The following GPRIN1 variants were observed in gnomAD, a reference collection of about 807,000 sequenced individuals.
GPRIN1 encodes the protein G protein-regulated inducer of neurite outgrowth 1.
GPRIN1 carries 4 observed loss-of-function variants against 2.8 expected under a neutral mutation model. The observed-to-expected ratio is 1.45, with a 90% CI of 0.71 to 3.32. The LOEUF (loss-of-function observed/expected upper bound fraction) is 3.32, where lower values mean the gene tolerates loss of function less well. GPRIN1 is among the 30% of genes most tolerant of loss of function. The pLI is 0.01. For missense variants in GPRIN1, 1,322 were observed against 1,343.4 expected, an observed-to-expected ratio of 0.98 and a Z score of 0.25; for synonymous variants, 589 against 589.9, an observed-to-expected ratio of 1.00 and a Z score of 0.02.
chr5:176,610,151 T>TCCCGC lies in GPRIN1; in HGVS notation c.-201_-197dup. ...GCCGTCCCCAGCGCCGGCTCCGCGC[T>TCCCGC]CCCGCCCCGCGCCCCGCCCCGGGCA... On this transcript the variant is annotated 5_prime_UTR_variant, in exon 1 of 2. Transcript: ENST00000303991. 6.8e-6 allele frequency: 1 copy of TCCCGC among 147,492 alleles called. No homozygotes were observed. The highest frequency in any genetic ancestry group is 2.1e-4 in the East Asian group (1 of 4,814). 9.1% of individuals were successfully genotyped at this position (147,492 alleles called of 1,614,324 possible). A position where few individuals can be genotyped will look rare whatever the true frequency, so the allele number is the denominator to read the frequency against.
At position 176,597,286 on chromosome 5, in the gene GPRIN1, C is replaced by T; in HGVS notation, c.2549G>A (p.Ser850Asn). Residue 850 changes from serine to asparagine, a missense_variant, in exon 2 of 2, where the codon AGC becomes AAC. This residue lies in a region of GPRIN1 where 1,117 missense variants were observed against 1,128.6 expected (regional missense o/e 0.99). Transcript: ENST00000303991. This position sits in a 1 kb window ranked among gnomAD's most constrained non-coding sequence, Gnocchi z 6.1. ...GCCCGCATCTCGGCGCGAGGGCGGGCTGGGCGCGCGCGGCGCCGCCTGGAA... is the reference window on the plus strand; with the variant it reads ...GCCCGCATCTCGGCGCGAGGGCGGGTTGGGCGCGCGCGGCGCCGCCTGGAA... ...FSFQAAPRAP[S>N]PPSRRDAGLQ... 1 of 1,235,718 alleles carries T rather than the reference C, an allele frequency of 8.1e-7. No homozygotes were observed. Among genetic ancestry groups the T allele is most frequent in the Non-Finnish European group, 1.0e-6 (1 of 991,738 alleles). 76.5% of individuals were successfully genotyped at this position (1,235,718 alleles called of 1,614,324 possible).
At chr5:176,608,374 G>A (rs1759257124) in intron 1 of GPRIN1, among the ~76,000 whole-genome samples, 1 of 152,176 alleles carries the variant, frequency 6.6e-6, no homozygotes, top group Admixed American at 6.5e-5. Context: ...CACCCTATGA[G>A]CAGATGAGCC....
chr5:176,603,214 C>T (rs1429533516), intron 1 of GPRIN1, among the ~76,000 whole-genome samples: 2 of 152,102 alleles, frequency 1.3e-5, no homozygotes, highest in Non-Finnish European at 2.9e-5. Flanking sequence ...TTTCATTACC[C>T]ACTCCCACCC....
chr5:176,601,940 G>A (rs1001341455), intron 1 of GPRIN1, among the ~76,000 whole-genome samples: 2 of 152,058 alleles, frequency 1.3e-5, no homozygotes, highest in Non-Finnish European at 2.9e-5. Context: ...AGTAAAACCC[G>A]AGACAAATCA....
In GPRIN1 at chr5:176,596,745, G is replaced by T; in HGVS notation, c.*63C>A. ...GCACGCAGAGGGGACCCCTTCTAGG[G>T]GCCTGTGATCAAGAAGGGAGCCTGA... On this transcript the variant is annotated 3_prime_UTR_variant, in exon 2 of 2. Transcript: ENST00000303991. This position sits in a 1 kb window ranked among gnomAD's most constrained non-coding sequence, Gnocchi z 5.2. 7.5e-7 allele frequency: 1 copy of T among 1,336,080 alleles called. No individual in the cohort carries two copies. The highest frequency in any genetic ancestry group is 9.7e-7 in the Non-Finnish European group (1 of 1,033,770). The allele number at this position is 1,336,080 out of a possible 1,614,324, so 82.8% of individuals were successfully genotyped here.
At chr5:176,605,205 T>C (rs575441187) in intron 1 of GPRIN1, among the ~76,000 whole-genome samples, 74 of 151,928 alleles carry the variant, frequency 4.9e-4, no homozygotes, top group African/African-American at 1.7e-3. Flanking sequence ...GCAATTCTCG[T>C]ACCTCAGCCA....
In GPRIN1 at chr5:176,597,496, T is replaced by C. The variant is rs1187733776; in HGVS notation, c.2339A>G (p.Glu780Gly). The C allele has an allele frequency of 2.2e-6, 3 of 1,374,714 alleles. No homozygotes were observed. The highest frequency in any genetic ancestry group is 3.3e-5 in the South Asian group (2 of 60,542). The allele number at this position is 1,374,714 out of a possible 1,614,324, so 85.2% of individuals were successfully genotyped here. A position where few individuals can be genotyped will look rare whatever the true frequency, so the allele number is the denominator to read the frequency against. The change falls in exon 2 of 2, where the codon GAG (glutamate) becomes GGG (glycine). Residue 780 changes from glutamate to glycine, a missense_variant. Physicochemically the swap from Glu to Gly is moderately conservative, Grantham distance 98. This residue lies in a region of GPRIN1 where 1,117 missense variants were observed against 1,128.6 expected (regional missense o/e 0.99). Coordinates refer to ENST00000303991, the MANE Select transcript of GPRIN1 (RefSeq NM_052899.3). The surrounding 1 kb of genome is among the most constrained non-coding windows in gnomAD (Gnocchi z 6.1). Reference protein sequence around the residue: ...AAGAERSPCPEAAAPPPGPRT... With the variant: ...AAGAERSPCPGAAAPPPGPRT... Reference sequence around the variant, plus strand: ...CGGCCCCGGCGGGGGCGCTGCGGCCTCTGGGCAGGGGCTTCTCTCGGCCCC... The same window carrying C: ...CGGCCCCGGCGGGGGCGCTGCGGCCCCTGGGCAGGGGCTTCTCTCGGCCCC...
intron 1 of GPRIN1, among the ~76,000 whole-genome samples, chr5:176,607,639 C>T (rs997329013): frequency 9.2e-5 from 14 of 152,120 alleles, no homozygotes; most frequent in Admixed American, 1.3e-4. Flanking sequence ...CCACTGCACC[C>T]GGTCTCAGTC....
rs1285695730 is a variant in GPRIN1, at chr5:176,602,835, ACC to A, written c.-43-2960_-43-2959del. On this transcript the variant is annotated intron_variant, in intron 1 of 1. Coordinates refer to ENST00000303991, the MANE Select transcript of GPRIN1 (RefSeq NM_052899.3). The surrounding 1 kb of genome is among the most constrained non-coding windows in gnomAD (Gnocchi z 4.4). The stretch of plus-strand genomic sequence containing the variant: ...AAGGTGTGGGGTAATGAGGGAAAGC[ACC>A]CAAGATAAATTAATTGAAAAAGGCC... 6.6e-6 allele frequency among the ~76,000 whole-genome samples: 1 copy of A among 152,078 alleles called. No individual in the cohort carries two copies. The highest frequency in any genetic ancestry group is 1.5e-5 in the Non-Finnish European group (1 of 68,022).
Position 176,596,396 on chromosome 5 carries a change from A to G in GPRIN1, c.*412T>C, listed in dbSNP as rs1255482420. ...CCCACTTGAAGCTTCTGCCACTCAG[A>G]CTTGTATGCAGTCTCTCCCTGTTCT... On this transcript the variant is annotated 3_prime_UTR_variant, in exon 2 of 2. Coordinates refer to ENST00000303991, the MANE Select transcript of GPRIN1 (RefSeq NM_052899.3). The surrounding 1 kb of genome is among the most constrained non-coding windows in gnomAD (Gnocchi z 5.2). 6.5e-6 allele frequency: 1 copy of G among 153,578 alleles called. No individual in the cohort carries two copies. Among genetic ancestry groups the G allele is most frequent in the Non-Finnish European group, 1.4e-5 (1 of 69,258 alleles). 9.5% of individuals were successfully genotyped at this position (153,578 alleles called of 1,614,324 possible). A position where few individuals can be genotyped will look rare whatever the true frequency, so the allele number is the denominator to read the frequency against.
At position 176,596,886 on chromosome 5, in the gene GPRIN1, C is replaced by G; in HGVS notation, c.2949G>C (p.Pro983=). ...TAPPDGAAKR[P]PGLFRALLQS... The stretch of plus-strand genomic sequence containing the variant: ...GCAGCAGCGCGCGGAACAGGCCGGG[C>G]GGACGCTTGGCGGCGCCATCTGGGG... The change falls in exon 2 of 2, where the codon CCG becomes CCC. Residue 983 remains proline, a synonymous_variant. Coordinates refer to ENST00000303991, the MANE Select transcript of GPRIN1 (RefSeq NM_052899.3). This position sits in a 1 kb window ranked among gnomAD's most constrained non-coding sequence, Gnocchi z 5.2. 7.7e-7 allele frequency: 1 copy of G among 1,291,632 alleles called. No individual in the cohort carries two copies. Among genetic ancestry groups the G allele is most frequent in the East Asian group, 2.9e-5 (1 of 33,964 alleles). The allele number at this position is 1,291,632 out of a possible 1,614,324, so 80.0% of individuals were successfully genotyped here.
intron 1 of GPRIN1, among the ~76,000 whole-genome samples, chr5:176,603,067 T>G (rs1759170916): frequency 6.6e-6 from 1 of 152,214 alleles, no homozygotes. Context: ...TGTGGTTATG[T>G]GCGCACATAG....
intron 1 of GPRIN1, among the ~76,000 whole-genome samples, chr5:176,601,598 G>A (rs558575829): frequency 7.0e-4 from 107 of 152,244 alleles, no homozygotes; most frequent in African/African-American, 2.5e-3. Flanking sequence ...TGAGTTTGTA[G>A]TGCCTGGGGG....
intron 1 of GPRIN1, among the ~76,000 whole-genome samples, chr5:176,600,788 C>CGGGT (rs1759135160): frequency 6.6e-6 from 1 of 152,040 alleles, no homozygotes; most frequent in African/African-American, 2.4e-5. Context: ...TGGTGGTGCA[C>CGGGT]GCCTGTAATC....
Position 176,597,734 on chromosome 5 carries a change from T to C in GPRIN1, c.2101A>G (p.Lys701Glu). 1 of 1,599,912 alleles carries C rather than the reference T, an allele frequency of 6.3e-7. No homozygotes were observed. Among genetic ancestry groups the C allele is most frequent in the Non-Finnish European group, 8.5e-7 (1 of 1,172,872 alleles). Reference sequence around the variant, plus strand: ...TTCCCCAAGGATGGGGACTCCGTTTTTCTGGAAGGTGCAGAGTCGGCTTTC... The same window carrying C: ...TTCCCCAAGGATGGGGACTCCGTTTCTCTGGAAGGTGCAGAGTCGGCTTTC... ...LGKADSAPSR[K>E]TESPSLGKVV... The change falls in exon 2 of 2, where the codon AAA becomes GAA. Residue 701 changes from lysine to glutamate, a missense_variant. Physicochemically the swap from Lys to Glu is moderately conservative, Grantham distance 56. Transcript: ENST00000303991. This position sits in a 1 kb window ranked among gnomAD's most constrained non-coding sequence, Gnocchi z 6.1.
rs746318642 is a variant in GPRIN1, at chr5:176,597,753, G to A, written c.2082C>T (p.Ala694=). 9 of 1,603,918 alleles carry A rather than the reference G, an allele frequency of 5.6e-6. No homozygotes were observed. The highest frequency in any genetic ancestry group is 6.0e-6 in the Non-Finnish European group (7 of 1,175,076). The change falls in exon 2 of 2, where the codon GCC becomes GCT. Residue 694 remains alanine (A), a synonymous_variant. Coordinates refer to ENST00000303991, the MANE Select transcript of GPRIN1 (RefSeq NM_052899.3). The surrounding 1 kb of genome is among the most constrained non-coding windows in gnomAD (Gnocchi z 6.1). ...GKGEPVSLGK[A]DSAPSRKTES... ...CCGTTTTTCTGGAAGGTGCAGAGTC[G>A]GCTTTCCCCAGGGACACAGGCTCTC...
In GPRIN1 at chr5:176,599,521, G is replaced by A. The variant is rs141810829; in HGVS notation, c.314C>T (p.Pro105Leu). Residue 105 changes from proline (P) to leucine (L), a missense_variant, in exon 2 of 2, where the codon CCC becomes CTC. Physicochemically the swap from Pro to Leu is moderately conservative, Grantham distance 98 (BLOSUM62 -3). Around this residue, in one of 3 missense-constraint regions of GPRIN1, gnomAD observed 1,117 missense variants for 1,128.6 expected, o/e 0.99. Coordinates refer to ENST00000303991, the MANE Select transcript of GPRIN1 (RefSeq NM_052899.3). ...ATGTGCCTCCAATGTCTCCTTGGAG[G>A]GTGACTCCTGGGGAGAGAAGCAGGT... Reference protein sequence around the residue: ...SPTCFSPQESPSKETLEAHGA... With the variant: ...SPTCFSPQESLSKETLEAHGA... 18 of 1,607,052 alleles carry A rather than the reference G, an allele frequency of 1.1e-5. No individual in the cohort carries two copies. Among genetic ancestry groups the A allele is most frequent in the Non-Finnish European group, 1.4e-5 (17 of 1,175,984 alleles).
rs138510297 is a variant in GPRIN1, at chr5:176,603,245, G to C, written c.-43-3368C>G. On this transcript the variant is annotated intron_variant, in intron 1 of 1. Transcript: ENST00000303991. ...CACCCCCAAAACATGTACACACACA[G>C]ATACACACTCTCTCTCTCCCCCACC... is the stretch of plus-strand genomic sequence containing the variant. Among the ~76,000 whole-genome samples the C allele has an allele frequency of 2.5e-3, 381 of 151,924 alleles. 2 individuals are homozygous for C. Among genetic ancestry groups the C allele is most frequent in the Non-Finnish European group, 3.8e-3 (258 of 67,970 alleles).
At position 176,599,351 on chromosome 5, in the gene GPRIN1, C is replaced by A. The variant is rs985167018; in HGVS notation, c.484G>T (p.Asp162Tyr). 1 of 1,614,086 alleles carries A rather than the reference C, an allele frequency of 6.2e-7. No individual in the cohort carries two copies. The highest frequency in any genetic ancestry group is 1.3e-5 in the African/African-American group (1 of 74,934). Reference sequence around the variant, plus strand: ...TCCTCCTTTCCTATGGAAGTGGAATCGGCCTGCTTTGAGGACTTGAAATCC... The same window carrying A: ...TCCTCCTTTCCTATGGAAGTGGAATAGGCCTGCTTTGAGGACTTGAAATCC... ...KMDFKSSKQADSTSIGKEDPG... is the reference protein window; with the variant it reads ...KMDFKSSKQAYSTSIGKEDPG... Residue 162 changes from aspartate to tyrosine, a missense_variant, in exon 2 of 2, where the codon GAT (aspartate) becomes TAT (tyrosine). Asp to Tyr is a radical substitution (Grantham distance 160, BLOSUM62 -3). Coordinates refer to ENST00000303991, the MANE Select transcript of GPRIN1 (RefSeq NM_052899.3).
Sources: gnomAD v4.1 joint callset for allele counts (sites outside exome capture counted in the v4.1 genomes callset) on GRCh38, gnomAD v4.1.1 for gene constraint, gnomAD v4.1.1 regional missense constraint, Gnocchi (gnomAD v3.1) non-coding constraint, MANE v1.5 for transcripts, NCBI Gene and HGNC (gene_info 2026-07-23, HGNC 2026-07-21) for gene names.